PLXNA4: variants seen among roughly 807,000 people sequenced by gnomAD.
The protein encoded by PLXNA4 is plexin A4.
Under a neutral mutation model 191.8 loss-of-function variants are expected in PLXNA4, and 44 were observed. The ratio of observed to expected loss-of-function variants is 0.23; its 90% CI spans 0.18 to 0.29. The LOEUF (loss-of-function observed/expected upper bound fraction) is 0.29. Among genes scored for constraint, PLXNA4 ranks in the 10% least tolerant of loss-of-function variants. PLXNA4 has a pLI of 1.00. For synonymous variants in PLXNA4, 1,082 were observed against 1,009.5 expected (o/e 1.07, Z -1.36); for missense variants, 1,800 against 2,488.8 (o/e 0.72, Z 5.89).
At chr7:132,476,687 G>A (rs1341316323) in intron 3 of PLXNA4, among the ~76,000 whole-genome samples, 4 of 152,192 alleles carry the variant, frequency 2.6e-5, no homozygotes, top group Admixed American at 2.0e-4. Context: ...GGTTCAGAGG[G>A]GAAGTGGGGG....
At chr7:132,456,630 A>G (rs1011336104) in intron 3 of PLXNA4, among the ~76,000 whole-genome samples, 2 of 152,136 alleles carry the variant, frequency 1.3e-5, no homozygotes, top group African/African-American at 4.8e-5. Flanking sequence ...CTCAGCTGCG[A>G]ACCGGCAGCC....
At chr7:132,527,235 C>T (rs1386008806) in intron 1 of PLXNA4, among the ~76,000 whole-genome samples, 1 of 152,128 alleles carries the variant, frequency 6.6e-6, no homozygotes, top group African/African-American at 2.4e-5. Flanking sequence ...AGGACCTCAG[C>T]ACCTCCTCAA....
At chr7:132,385,228 A>G in intron 3 of PLXNA4, 7 of 1,614,062 alleles carry the variant, frequency 4.3e-6, no homozygotes, top group Non-Finnish European at 5.1e-6. Flanking sequence ...TTCCAGAGTC[A>G]CTGTTGCTCT....
intron 4 of PLXNA4, among the ~76,000 whole-genome samples, chr7:132,253,928 G>T (rs1484168634): frequency 6.6e-6 from 1 of 152,172 alleles, no homozygotes; most frequent in African/African-American, 2.4e-5. Flanking sequence ...GTTTCCATGT[G>T]GAGGAGTCAT....
intron 3 of PLXNA4, among the ~76,000 whole-genome samples, chr7:132,371,456 C>T (rs1804435978): frequency 6.6e-6 from 1 of 152,110 alleles, no homozygotes; most frequent in Non-Finnish European, 1.5e-5. Context: ...GAGTTTCCTG[C>T]CAATGATGTC....
chr7:132,586,041 G>A (rs1802499577), intron 2 of PLXNA4, among the ~76,000 whole-genome samples: 1 of 152,192 alleles, frequency 6.6e-6, no homozygotes, highest in African/African-American at 2.4e-5. Context: ...CTGCATCAAG[G>A]CATTTAATAG....
chr7:132,646,303 A>T (rs960624140), intron 1 of PLXNA4, among the ~76,000 whole-genome samples: 30 of 151,936 alleles, frequency 2.0e-4, no homozygotes, highest in Non-Finnish European at 3.8e-4. Context: ...CTCCTCCTCC[A>T]CCCTCAGTCT....
At chr7:132,191,626 G>A (rs989210869) in intron 14 of PLXNA4, among the ~76,000 whole-genome samples, 1 of 152,136 alleles carries the variant, frequency 6.6e-6, no homozygotes. Flanking sequence ...AGCTGCTCTG[G>A]GCAGTGGCTG....
At chr7:132,504,294 G>T (rs1798371653) in intron 2 of PLXNA4, among the ~76,000 whole-genome samples, 1 of 152,246 alleles carries the variant, frequency 6.6e-6, no homozygotes. Flanking sequence ...AAGGGGCCTT[G>T]TAGTAGGGGT....
chr7:132,140,282 GGGT>G (rs1265942381), intron 30 of PLXNA4, among the ~76,000 whole-genome samples: 2 of 152,140 alleles, frequency 1.3e-5, no homozygotes. Flanking sequence ...ATTTTTTGGG[GGGT>G]GGGTGGTGAA....
At chr7:132,384,782 A>G in intron 3 of PLXNA4, 1 of 1,126,510 alleles carries the variant, frequency 8.9e-7, no homozygotes, top group Non-Finnish European at 1.1e-6. Flanking sequence ...ACACACACAC[A>G]CACACACACT....
At chr7:132,298,593 A>G (rs10441255) in intron 3 of PLXNA4, among the ~76,000 whole-genome samples, 1 of 152,188 alleles carries the variant, frequency 6.6e-6, no homozygotes, top group African/African-American at 2.4e-5. Context: ...GTCACCCTGC[A>G]TTGGAAAGGC....
chr7:132,315,887 A>C (rs2116609319), intron 3 of PLXNA4, among the ~76,000 whole-genome samples: 1 of 152,328 alleles, frequency 6.6e-6, no homozygotes, highest in Non-Finnish European at 1.5e-5. Flanking sequence ...TGGTCAGGGC[A>C]TATGACTTTT....
chr7:132,327,195 G>A (rs1208411651), intron 3 of PLXNA4, among the ~76,000 whole-genome samples: 1 of 150,918 alleles, frequency 6.6e-6, no homozygotes, highest in Non-Finnish European at 1.5e-5. Context: ...AAGAAAGGGA[G>A]GGAGGGAAGG....
rs563506097 is a variant in PLXNA4, at chr7:132,306,011, T to C, written c.1372-7789A>G. Among the ~76,000 whole-genome samples, 787 of 152,200 alleles carry C rather than the reference T, an allele frequency of 5.2e-3. 2 individuals are homozygous for C. The highest frequency in any genetic ancestry group is 8.1e-3 in the Non-Finnish European group (550 of 68,006). On this transcript the variant is annotated intron_variant, in intron 3 of 31. Coordinates refer to ENST00000321063, the MANE Select transcript of PLXNA4 (RefSeq NM_020911.2). ...GATGGAGAGGGGAACAGAGCAAACC[T>C]GGAGGCATATGTCCCAGGGCAAATC...
At chr7:132,202,059 T>G (rs1797455191) in intron 12 of PLXNA4, among the ~76,000 whole-genome samples, 1 of 152,170 alleles carries the variant, frequency 6.6e-6, no homozygotes, top group African/African-American at 2.4e-5. Flanking sequence ...GAGCCTGGAT[T>G]CAAACCCTAT....
chr7:132,271,105 C>G (rs114635137), intron 4 of PLXNA4: 10 of 152,128 alleles, frequency 6.6e-5, no homozygotes, highest in African/African-American at 1.9e-4. Context: ...GCTCTTTTCC[C>G]CCCACAGCAA....
At chr7:132,504,210 C>T (rs888477290) in intron 2 of PLXNA4, among the ~76,000 whole-genome samples, 8 of 152,372 alleles carry the variant, frequency 5.3e-5, no homozygotes, top group East Asian at 3.9e-4. Context: ...TCTACCCCAA[C>T]GGCCCAAGAC....
chr7:132,444,398 G>T (rs1332474786), intron 3 of PLXNA4, among the ~76,000 whole-genome samples: 1 of 152,222 alleles, frequency 6.6e-6, no homozygotes, highest in African/African-American at 2.4e-5. Flanking sequence ...GGGATGACAG[G>T]CATGTGCCAC....
Sources: gnomAD v4.1 joint callset for allele counts (sites outside exome capture counted in the v4.1 genomes callset) on GRCh38, gnomAD v4.1.1 for gene constraint, MANE v1.5 for transcripts, NCBI Gene and HGNC (gene_info 2026-07-23, HGNC 2026-07-21) for gene names.